PRELID2: variants seen among roughly 807,000 people sequenced by gnomAD.
PRELID2 encodes PRELI domain-containing protein 2.
Under a neutral mutation model 28.4 loss-of-function variants are expected in PRELID2, and 25 were observed. The ratio of observed to expected loss-of-function variants is 0.88; its 90% CI spans 0.64 to 1.23. The LOEUF is 1.23. Ranked by LOEUF, PRELID2 falls within the 50% of genes most tolerant of loss-of-function variation. The pLI is 0.00. For synonymous variants in PRELID2, 76 were observed against 71.6 expected (o/e 1.06, Z -0.31); for missense variants, 201 against 214.4 (o/e 0.94, Z 0.39).
intron 2 of PRELID2, 83 bp from the exon 3 acceptor site, chr5:145,820,101 G>A: frequency 2.7e-6 from 2 of 745,530 alleles, no homozygotes; most frequent in East Asian, 2.7e-5. Context: ...CGGGGGTGGG[G>A]TTTTTTTGTT....
In PRELID2 at chr5:145,756,840, A is replaced by G. The variant is rs1365559396; in HGVS notation, c.*3696T>C. ...GAGAAAGCTTCCTAGAGGTAGGCAC[A>G]GTAATGGGAGAGATAAATGACAGAT... is the stretch of plus-strand genomic sequence containing the variant. On this transcript the variant is annotated 3_prime_UTR_variant, in exon 7 of 7. Coordinates refer to ENST00000683046, the MANE Select transcript of PRELID2 (RefSeq NM_205846.3). Among the ~76,000 whole-genome samples the G allele has an allele frequency of 6.6e-6, 1 of 152,234 alleles. No individual in the cohort carries two copies. Among genetic ancestry groups the G allele is most frequent in the Non-Finnish European group, 1.5e-5 (1 of 68,046 alleles).
At chr5:145,687,454 A>T in intron 1 of PRELID2, among the ~76,000 whole-genome samples, 1 of 152,240 alleles carries the variant, frequency 6.6e-6, no homozygotes, top group East Asian at 1.9e-4. Context: ...CTAGGAACTT[A>T]TTCTTGAATA....
At chr5:145,660,012 G>T (rs1349762926) in intron 1 of PRELID2, among the ~76,000 whole-genome samples, 1 of 152,066 alleles carries the variant, frequency 6.6e-6, no homozygotes, top group Non-Finnish European at 1.5e-5. Flanking sequence ...ACCGTATATT[G>T]AGCTACAGTG....
the PRELID2 span, among the ~76,000 whole-genome samples, chr5:145,293,989 G>A: frequency 6.6e-6 from 1 of 152,120 alleles, no homozygotes; most frequent in African/African-American, 2.4e-5. Context: ...TAGCTCCAGA[G>A]CTTCAAGTTG....
chr5:145,253,904 T>C, the PRELID2 span, among the ~76,000 whole-genome samples: 6 of 152,104 alleles, frequency 3.9e-5, no homozygotes, highest in African/African-American at 1.4e-4. Context: ...ATTTAGTGTT[T>C]GTATGATCTT....
chr5:145,772,135 G>A (rs913978616), intron 5 of PRELID2, among the ~76,000 whole-genome samples: 1 of 151,878 alleles, frequency 6.6e-6, no homozygotes, highest in African/African-American at 2.4e-5. Flanking sequence ...AAAATTCATT[G>A]GCACATACAG....
chr5:145,230,504 G>T, the PRELID2 span, among the ~76,000 whole-genome samples: 1 of 152,056 alleles, frequency 6.6e-6, no homozygotes, highest in African/African-American at 2.4e-5. Context: ...GCTTGAATCT[G>T]GGAGGTGGAG....
intron 1 of PRELID2, among the ~76,000 whole-genome samples, chr5:145,562,989 C>T (rs922162448): frequency 6.6e-6 from 1 of 152,110 alleles, no homozygotes; most frequent in Non-Finnish European, 1.5e-5. Context: ...GGATATTTCC[C>T]GTTTGCCTAT....
chr5:145,286,444 C>T, the PRELID2 span, among the ~76,000 whole-genome samples: 4 of 152,118 alleles, frequency 2.6e-5, no homozygotes, highest in African/African-American at 9.7e-5. Flanking sequence ...AGGGTAGATG[C>T]TATTATCACC....
At chr5:145,704,457 CA>C (rs1561550402) in intron 1 of PRELID2, among the ~76,000 whole-genome samples, 2 of 152,180 alleles carry the variant, frequency 1.3e-5, no homozygotes, top group African/African-American at 2.4e-5. Flanking sequence ...CTGGTGTACT[CA>C]AAACACACTT....
rs376205973 is a variant in PRELID2 at position 145,563,492 on chromosome 5, C to T, written n.71-90177G>A. Among the ~76,000 whole-genome samples the T allele has an allele frequency of 3.9e-5, 6 of 152,156 alleles. No individual in the cohort carries two copies. The South Asian group carries it at 1.2e-3, about 32-fold the overall frequency. ...AAAAAGTCATGATAAATGCAACATC[C>T]TGCTCAACCTTAAACTTTCCAGATG... On this transcript the variant is annotated intron_variant and non_coding_transcript_variant, in intron 1 of 2. Coordinates refer to the PRELID2 transcript ENST00000510259.
intron 1 of PRELID2, among the ~76,000 whole-genome samples, chr5:145,532,363 G>A (rs1046561108): frequency 4.6e-5 from 7 of 151,852 alleles, no homozygotes; most frequent in African/African-American, 1.7e-4. Flanking sequence ...CACAAAAATT[G>A]TACATATTTA....
At chr5:145,255,952 C>T in the PRELID2 span, among the ~76,000 whole-genome samples, 1 of 151,682 alleles carries the variant, frequency 6.6e-6, no homozygotes, top group Non-Finnish European at 1.5e-5. Context: ...GAGATAACGG[C>T]CAACAATTTT....
At chr5:145,311,310 A>C in the PRELID2 span, among the ~76,000 whole-genome samples, 39 of 151,222 alleles carry the variant, frequency 2.6e-4, no homozygotes, top group African/African-American at 8.8e-4. Flanking sequence ...GTGACACCAG[A>C]ACACTGTAGC....
At chr5:145,419,795 A>G in the PRELID2 span, among the ~76,000 whole-genome samples, 1 of 152,060 alleles carries the variant, frequency 6.6e-6, no homozygotes, top group Non-Finnish European at 1.5e-5. Context: ...TTAGACATGA[A>G]GTCCTTGCCC....
chr5:145,461,832 T>C, the PRELID2 span, among the ~76,000 whole-genome samples: 1 of 152,344 alleles, frequency 6.6e-6, no homozygotes, highest in Middle Eastern at 3.4e-3. Flanking sequence ...ATCAAATATT[T>C]ATGTATCCTC....
At position 145,823,150 on chromosome 5, in the gene PRELID2, TAA is replaced by T; in HGVS notation, c.76-18_76-17del. On this transcript the variant is annotated splice_polypyrimidine_tract_variant and intron_variant, in intron 1 of 6. Transcript: ENST00000683046. ...GGTTGGGGTACTAAACAAAAATATATAAAAAAGAATTACCATTAATCTTCTAC... is the reference window on the plus strand; with the variant it reads ...GGTTGGGGTACTAAACAAAAATATATAAAAGAATTACCATTAATCTTCTAC... 8.0e-7 allele frequency: 1 copy of T among 1,248,052 alleles called. No homozygotes were observed. Among genetic ancestry groups the T allele is most frequent in the South Asian group, 1.2e-5 (1 of 82,972 alleles). The allele number at this position is 1,248,052 out of a possible 1,614,324, so 77.3% of individuals were successfully genotyped here.
intron 1 of PRELID2, among the ~76,000 whole-genome samples, chr5:145,829,988 C>T (rs1395897567): frequency 6.6e-6 from 1 of 152,202 alleles, no homozygotes; most frequent in Non-Finnish European, 1.5e-5. Context: ...CAGGGTCATT[C>T]TGTCAAAGCA....
the PRELID2 span, among the ~76,000 whole-genome samples, chr5:145,430,990 T>C: frequency 6.9e-6 from 1 of 145,774 alleles, no homozygotes; most frequent in East Asian, 2.0e-4. Context: ...ACTCTGGGAA[T>C]GAGGCCCTGG....
Sources: allele counts gnomAD v4.1 joint callset (sites outside exome capture counted in the v4.1 genomes callset), GRCh38; gene constraint gnomAD v4.1.1; transcripts MANE v1.5; gene names NCBI Gene and HGNC (gene_info 2026-07-23, HGNC 2026-07-21).